SASH1: variants seen among roughly 807,000 people sequenced by gnomAD.
SASH1 encodes the protein SAM and SH3 domain-containing protein 1.
In SASH1, 44 loss-of-function variants were observed where a neutral mutation model predicts 125.2. The ratio of observed to expected loss-of-function variants is 0.35; its 90% CI spans 0.28 to 0.45. The LOEUF (loss-of-function observed/expected upper bound fraction) is 0.45, where lower values mean the gene tolerates loss of function less well. Among genes scored for constraint, SASH1 ranks in the 20% least tolerant of loss-of-function variants. The pLI is 1.00. For synonymous variants in SASH1, 639 were observed against 649.1 expected (o/e 0.98, Z 0.24); for missense variants, 1,426 against 1,614.5 (o/e 0.88, Z 2.00).
chr6:148,202,884 G>T, the SASH1 span, among the ~76,000 whole-genome samples: 1 of 152,022 alleles, frequency 6.6e-6, no homozygotes, highest in African/African-American at 2.4e-5. Context: ...AACCCGGTAG[G>T]CAGAGGTTGC....
intron 4 of SASH1, among the ~76,000 whole-genome samples, chr6:148,451,298 A>G (rs527956388): frequency 2.6e-5 from 4 of 152,352 alleles, no homozygotes; most frequent in African/African-American, 9.6e-5. Flanking sequence ...GTGACCCAAC[A>G]TGTGTCAGTG....
At chr6:148,467,361 A>T (rs988801626) in intron 4 of SASH1, among the ~76,000 whole-genome samples, 1 of 151,716 alleles carries the variant, frequency 6.6e-6, no homozygotes, top group African/African-American at 2.4e-5. Context: ...TCCCTTTTTG[A>T]TACAACCAAT....
chr6:148,216,271 TC>T, the SASH1 span, among the ~76,000 whole-genome samples: 1 of 152,240 alleles, frequency 6.6e-6, no homozygotes, highest in South Asian at 2.1e-4. Flanking sequence ...TCTACTTGTA[TC>T]ATTTTTTAGC....
At chr6:148,343,297 C>A in intron 1 of SASH1, 74 bp downstream of exon 1, 2 of 1,451,528 alleles carry the variant, frequency 1.4e-6, no homozygotes, top group Non-Finnish European at 1.9e-6. Flanking sequence ...GGGCTCCCTT[C>A]TCGCCCACCC....
At chr6:148,234,364 A>T in the SASH1 span, among the ~76,000 whole-genome samples, 1 of 151,874 alleles carries the variant, frequency 6.6e-6, no homozygotes, top group Non-Finnish European at 1.5e-5. Flanking sequence ...TTAAGTTTGA[A>T]TGTCATTGTG....
chr6:148,231,189 G>A, the SASH1 span, among the ~76,000 whole-genome samples: 48 of 152,160 alleles, frequency 3.2e-4, no homozygotes, highest in African/African-American at 1.1e-3. Context: ...TTATTCTTTT[G>A]CATGTGGATA....
chr6:148,427,031 A>G (rs972131249), intron 2 of SASH1, among the ~76,000 whole-genome samples: 1 of 151,986 alleles, frequency 6.6e-6, no homozygotes, highest in Non-Finnish European at 1.5e-5. Flanking sequence ...AATCTCAGCT[A>G]CTCGGGTGGC....
intron 1 of SASH1, among the ~76,000 whole-genome samples, chr6:148,312,416 G>C (rs1260358936): frequency 6.6e-6 from 1 of 152,180 alleles, no homozygotes; most frequent in East Asian, 1.9e-4. Context: ...GCTGAGGTGG[G>C]AGGATTGCTT....
the SASH1 span, among the ~76,000 whole-genome samples, chr6:148,207,184 T>C: frequency 6.6e-6 from 1 of 152,212 alleles, no homozygotes; most frequent in Non-Finnish European, 1.5e-5. Flanking sequence ...CACTGTCCCC[T>C]GGCCCCTCCC....
the SASH1 span, among the ~76,000 whole-genome samples, chr6:148,200,683 C>T: frequency 6.6e-6 from 1 of 152,190 alleles, no homozygotes; most frequent in African/African-American, 2.4e-5. Context: ...CTCGCACAGG[C>T]TGGCATTTCT....
At chr6:148,244,904 A>ATGTG in the SASH1 span, among the ~76,000 whole-genome samples, 570 of 119,052 alleles carry the variant, frequency 4.8e-3, 5 homozygotes, top group Middle Eastern at 9.1e-3. Context: ...GGCCTGGGGC[A>ATGTG]TGTGTGTGTG....
chr6:148,286,721 A>G (rs1779492451), intron 1 of SASH1, among the ~76,000 whole-genome samples: 2 of 152,162 alleles, frequency 1.3e-5, no homozygotes, highest in African/African-American at 4.8e-5. Flanking sequence ...CTAGTGACTC[A>G]TTTTAACTTA....
At chr6:148,326,317 C>CTCGCCTG (rs1780796907) in intron 1 of SASH1, among the ~76,000 whole-genome samples, 1 of 22,186 alleles carries the variant, frequency 4.5e-5, no homozygotes, top group Non-Finnish European at 8.2e-5. Context: ...AGTGAGCCAC[C>CTCGCCTG]GCATGCATAT....
intron 2 of SASH1, among the ~76,000 whole-genome samples, chr6:148,413,911 A>G (rs1416229540): frequency 6.6e-6 from 1 of 152,102 alleles, no homozygotes; most frequent in Non-Finnish European, 1.5e-5. Context: ...AAAAAAAAGA[A>G]TAAATATATG....
At chr6:148,313,810 T>C (rs1780402749) in intron 1 of SASH1, among the ~76,000 whole-genome samples, 1 of 152,212 alleles carries the variant, frequency 6.6e-6, no homozygotes. Flanking sequence ...GCTGTAATTG[T>C]GTCAACTGGC....
chr6:148,538,052 C>T (rs73589312), intron 16 of SASH1, among the ~76,000 whole-genome samples: 3,819 of 152,236 alleles, frequency 0.025, 165 homozygotes, highest in African/African-American at 0.087. Context: ...TGATTCTGCA[C>T]TACAGAGGAG....
rs370037960 is a variant in SASH1, at chr6:148,487,112, C to CATATAT, written c.628-489_628-484dup. Among the ~76,000 whole-genome samples, 426 of 120,652 alleles carry CATATAT rather than the reference C, an allele frequency of 3.5e-3. 6 individuals are homozygous for CATATAT. Among genetic ancestry groups the CATATAT allele is most frequent in the African/African-American group, 7.3e-3 (231 of 31,698 alleles). 79.2% of individuals were successfully genotyped at this position (120,652 alleles called of 152,430 possible). On this transcript the variant is annotated intron_variant, in intron 7 of 19. Coordinates refer to ENST00000367467, the MANE Select transcript of SASH1 (RefSeq NM_015278.5). ...ATATATACACACACACACACACACACATATATATATATATATATGTGTATG... is the reference window on the plus strand; with the variant it reads ...ATATATACACACACACACACACACACATATATATATATATATATATATATGTGTATG...
the SASH1 span, among the ~76,000 whole-genome samples, chr6:148,240,950 A>AT: frequency 6.6e-6 from 1 of 152,086 alleles, no homozygotes; most frequent in African/African-American, 2.4e-5. Context: ...CCACATCATT[A>AT]TTTTTGCCTG....
intron 1 of SASH1, among the ~76,000 whole-genome samples, chr6:148,316,444 G>A (rs1562321009): frequency 6.6e-6 from 1 of 152,188 alleles, no homozygotes; most frequent in South Asian, 2.1e-4. Context: ...TTCCAGCCAG[G>A]GACAAATTAA....
Sources: allele counts gnomAD v4.1 joint callset (sites outside exome capture counted in the v4.1 genomes callset), GRCh38; gene constraint gnomAD v4.1.1; transcripts MANE v1.5; gene names NCBI Gene and HGNC (gene_info 2026-07-23, HGNC 2026-07-21).